Variants in PRKD3 observed in about 807,000 individuals in gnomAD.
PRKD3 encodes the protein serine/threonine-protein kinase D3.
Under a neutral mutation model 99.2 loss-of-function variants are expected in PRKD3, and 47 were observed. The ratio of observed to expected loss-of-function variants is 0.47; its 90% CI spans 0.38 to 0.60. PRKD3 has a LOEUF of 0.60. Ranked by LOEUF, PRKD3 falls within the 20% of genes least tolerant of loss-of-function variation. PRKD3 has a pLI of 0.00. For missense variants in PRKD3, 1,019 were observed against 1,088.4 expected (o/e 0.94, Z 0.90); for synonymous variants, 392 against 355.4 (o/e 1.10, Z -1.16).
chr2:37,318,946 A>G (rs749088934), intron 1 of PRKD3, among the ~76,000 whole-genome samples: 5 of 152,230 alleles, frequency 3.3e-5, no homozygotes, highest in Non-Finnish European at 7.3e-5. Context: ...GAATAACTAG[A>G]GAAGAATATA....
Position 37,259,572 on chromosome 2 carries a change from G to T in PRKD3, c.2145+11C>A. 6.3e-7 allele frequency: 1 copy of T among 1,593,600 alleles called. No homozygotes were observed. The highest frequency in any genetic ancestry group is 8.6e-7 in the Non-Finnish European group (1 of 1,162,476). On this transcript the variant is annotated intron_variant, in intron 16 of 18. Transcript: ENST00000234179. ...CCAGAATCATTTAAAAGGTTCTGGA[G>T]AATATCTCACCTGAGGAAATGGCTC...
At position 37,277,991 on chromosome 2, in the gene PRKD3, TA is replaced by T. The variant is rs1424213306; in HGVS notation, c.1173-3del. 1.9e-6 allele frequency: 3 copies of T among 1,592,300 alleles called. No homozygotes were observed. The highest frequency in any genetic ancestry group is 1.3e-5 in the African/African-American group (1 of 74,132). ...GGAATATTATTGCTTGTTGATGGAC[TA>T]AAAAATATTTAAAATTTGTAAGTTT... On this transcript the variant is annotated splice_region_variant and splice_polypyrimidine_tract_variant and intron_variant, in intron 8 of 18. Transcript: ENST00000234179.
Position 37,290,977 on chromosome 2 carries a change from G to A in PRKD3, c.450C>T (p.Phe150=). The A allele has an allele frequency of 6.2e-7, 1 of 1,609,162 alleles. No homozygotes were observed. Among genetic ancestry groups the A allele is most frequent in the Non-Finnish European group, 8.5e-7 (1 of 1,177,022 alleles). Residue 150 remains phenylalanine (F), a synonymous_variant, in exon 4 of 19, where the codon TTC becomes TTT. Transcript: ENST00000234179. ...CATAGAGAGTATGTGGACGAATCTG[G>A]AAGTCTTCTACTGTGGCTAAAGCTT... ...VLSALATVED[F]QIRPHTLYVH...
chr2:37,290,532 C>A (rs1010593114), intron 4 of PRKD3, among the ~76,000 whole-genome samples: 2 of 152,144 alleles, frequency 1.3e-5, no homozygotes, highest in African/African-American at 4.8e-5. Context: ...CCGTGCCTGG[C>A]CAAGAAAACT....
intron 12 of PRKD3, 94 bp from the exon 13 acceptor site, chr2:37,269,781 T>C: frequency 1.2e-6 from 1 of 863,144 alleles, no homozygotes; most frequent in Non-Finnish European, 1.8e-6. Flanking sequence ...CAATACATTT[T>C]TATGTTAGAA....
At chr2:37,318,971 T>C (rs1671770133) in intron 1 of PRKD3, among the ~76,000 whole-genome samples, 1 of 152,172 alleles carries the variant, frequency 6.6e-6, no homozygotes, top group African/African-American at 2.4e-5. Flanking sequence ...TCACTAGAAG[T>C]CAACCACATT....
intron 2 of PRKD3, among the ~76,000 whole-genome samples, chr2:37,308,150 T>A (rs957956970): frequency 6.6e-6 from 1 of 152,244 alleles, no homozygotes; most frequent in African/African-American, 2.4e-5. Context: ...AGTGTTGAGA[T>A]CAGTTTTTCT....
intron 1 of PRKD3, chr2:37,324,157 T>G: frequency 1.0e-6 from 1 of 985,086 alleles, no homozygotes; most frequent in Non-Finnish European, 1.2e-6. Flanking sequence ...GTCGGGATAC[T>G]GGGGCGAGGG....
chr2:37,274,960 T>A lies in PRKD3; in HGVS notation c.1375-263A>T, dbSNP rs1312846475. On this transcript the variant is annotated intron_variant, in intron 10 of 18. Transcript: ENST00000234179. ...ATGCAAGGAAGAAGATATAGGAGAG[T>A]AATCTGCCACTATATCCAACACTTG... 2.0e-5 allele frequency among the ~76,000 whole-genome samples: 3 copies of A among 152,006 alleles called. No individual in the cohort carries two copies. In the East Asian group the frequency reaches 5.8e-4, roughly 29 times the overall value.
chr2:37,297,067 G>A (rs1670707952), intron 2 of PRKD3, among the ~76,000 whole-genome samples: 1 of 151,908 alleles, frequency 6.6e-6, no homozygotes, highest in Admixed American at 6.6e-5. Flanking sequence ...AAACCAAACT[G>A]TTAATGAATT....
At chr2:37,288,146 T>C (rs1341148797) in intron 5 of PRKD3, among the ~76,000 whole-genome samples, 1 of 152,064 alleles carries the variant, frequency 6.6e-6, no homozygotes, top group Non-Finnish European at 1.5e-5. Flanking sequence ...AATACTCAAC[T>C]GGGCATAGGT....
At chr2:37,256,619 A>G (rs1667961037) in intron 17 of PRKD3, 43 bp downstream of exon 17, 8 of 1,469,560 alleles carry the variant, frequency 5.4e-6, no homozygotes, top group Middle Eastern at 2.4e-4. Context: ...CTTAAAACAC[A>G]TAGCCAAAAT....
chr2:37,287,230 CAAAAAAAAAAAAAAAAAAAA>C (rs754092348), intron 5 of PRKD3, among the ~76,000 whole-genome samples: 5 of 53,656 alleles, frequency 9.3e-5, no homozygotes, highest in Non-Finnish European at 1.2e-4. Context: ...AACTCCATCT[CAAAAAAAAAAAAAAAAAAAA>C]AAAAAAAAAA....
At chr2:37,320,573 A>C (rs1034964869) in intron 1 of PRKD3, among the ~76,000 whole-genome samples, 26 of 151,800 alleles carry the variant, frequency 1.7e-4, no homozygotes, top group African/African-American at 6.3e-4. Flanking sequence ...CTGGGATTAC[A>C]GGTGCACATC....
chr2:37,323,342 G>A (rs7570213), intron 1 of PRKD3, among the ~76,000 whole-genome samples: 1,777 of 151,662 alleles, frequency 0.012, 28 homozygotes, highest in African/African-American at 0.041. Context: ...CTAAATTATA[G>A]AACCGAGGAT....
intron 1 of PRKD3, among the ~76,000 whole-genome samples, chr2:37,321,100 C>T (rs576236817): frequency 2.1e-4 from 32 of 152,264 alleles, no homozygotes; most frequent in Non-Finnish European, 3.4e-4. Flanking sequence ...TTTGTCTTTA[C>T]GCTTCAATTA....
At chr2:37,298,564 T>C (rs527960038) in intron 2 of PRKD3, among the ~76,000 whole-genome samples, 9 of 152,288 alleles carry the variant, frequency 5.9e-5, no homozygotes, top group East Asian at 3.9e-4. Context: ...CGTTAATATA[T>C]ATATACAAAG....
chr2:37,308,361 C>G (rs970665240), intron 2 of PRKD3, among the ~76,000 whole-genome samples: 2 of 152,018 alleles, frequency 1.3e-5, no homozygotes, highest in African/African-American at 4.8e-5. Flanking sequence ...ATAGTCAATT[C>G]CATTATATGT....
At chr2:37,306,299 C>G (rs1291784087) in intron 2 of PRKD3, among the ~76,000 whole-genome samples, 1 of 152,176 alleles carries the variant, frequency 6.6e-6, no homozygotes, top group Non-Finnish European at 1.5e-5. Context: ...GATTTGTCTG[C>G]CTTCTGCATT....
Sources: gnomAD v4.1 joint callset for allele counts (sites outside exome capture counted in the v4.1 genomes callset) on GRCh38, gnomAD v4.1.1 for gene constraint, MANE v1.5 for transcripts, NCBI Gene and HGNC (gene_info 2026-07-23, HGNC 2026-07-21) for gene names.